The following EXOC6B variants were observed in gnomAD, a reference collection of about 807,000 sequenced individuals.
EXOC6B encodes the protein SEC15 homolog B.
A neutral mutation model predicts 113.5 loss-of-function variants in EXOC6B; 54 were observed. That is an observed-to-expected ratio of 0.48 (90% CI 0.38 to 0.60). EXOC6B has a LOEUF of 0.60. Among genes scored for constraint, EXOC6B ranks in the 20% least tolerant of loss-of-function variants. EXOC6B has a pLI of 0.00. For missense variants in EXOC6B, 797 were observed against 977.5 expected (o/e 0.82, Z 2.46); for synonymous variants, 357 against 339.0 (o/e 1.05, Z -0.58).
intron 20 of EXOC6B, among the ~76,000 whole-genome samples, chr2:72,292,374 G>A (rs1685852595): frequency 6.6e-6 from 1 of 152,064 alleles, no homozygotes; most frequent in African/African-American, 2.4e-5. Flanking sequence ...AGTTGCAGAA[G>A]TAGTACAGAG....
At chr2:72,238,309 C>A (rs1444143265) in intron 20 of EXOC6B, among the ~76,000 whole-genome samples, 1 of 152,112 alleles carries the variant, frequency 6.6e-6, no homozygotes. Flanking sequence ...TTAATCAGTT[C>A]ATGGCCATTT....
intron 6 of EXOC6B, among the ~76,000 whole-genome samples, chr2:72,622,421 G>A (rs993693253): frequency 2.0e-5 from 3 of 152,106 alleles, no homozygotes; most frequent in African/African-American, 7.2e-5. Flanking sequence ...TTCTGTAAAA[G>A]AAGCTATCCA....
chr2:72,383,186 T>C (rs1691794036), intron 18 of EXOC6B, among the ~76,000 whole-genome samples: 1 of 152,052 alleles, frequency 6.6e-6, no homozygotes, highest in Non-Finnish European at 1.5e-5. Flanking sequence ...CAAAATAAAC[T>C]ATCAACAGAG....
chr2:72,333,004 A>G (rs1206246408), intron 20 of EXOC6B, among the ~76,000 whole-genome samples: 1 of 152,178 alleles, frequency 6.6e-6, no homozygotes, highest in Non-Finnish European at 1.5e-5. Flanking sequence ...GAAGTTTTTC[A>G]AACAATCTAG....
intron 1 of EXOC6B, among the ~76,000 whole-genome samples, chr2:72,823,481 A>AAAAAAC (rs1686712006): frequency 7.0e-6 from 1 of 142,212 alleles, no homozygotes; most frequent in African/African-American, 2.7e-5. Context: ...AAAAAAAACA[A>AAAAAAC]AAAACAAAAA....
chr2:72,323,185 A>G (rs1272875818), intron 20 of EXOC6B, among the ~76,000 whole-genome samples: 1 of 152,222 alleles, frequency 6.6e-6, no homozygotes, highest in African/African-American at 2.4e-5. Context: ...ATATGAAAAG[A>G]CACTTCTCAA....
intron 20 of EXOC6B, among the ~76,000 whole-genome samples, chr2:72,220,684 T>C (rs531968341): frequency 6.6e-6 from 1 of 152,244 alleles, no homozygotes; most frequent in Non-Finnish European, 1.5e-5. Context: ...AAGAAAATAT[T>C]TGAAATCAAT....
intron 20 of EXOC6B, among the ~76,000 whole-genome samples, chr2:72,297,527 T>C (rs1573205790): frequency 6.6e-6 from 1 of 152,188 alleles, no homozygotes; most frequent in African/African-American, 2.4e-5. Flanking sequence ...CTGATCTTAG[T>C]TATTTCTCGC....
intron 8 of EXOC6B, among the ~76,000 whole-genome samples, chr2:72,528,263 G>A (rs2105744292): frequency 6.6e-6 from 1 of 152,160 alleles, no homozygotes; most frequent in South Asian, 2.1e-4. Flanking sequence ...TTAGCTCAAA[G>A]TTCTATCACG....
chr2:72,285,712 G>A (rs1685385207), intron 20 of EXOC6B, among the ~76,000 whole-genome samples: 1 of 151,948 alleles, frequency 6.6e-6, no homozygotes, highest in South Asian at 2.1e-4. Flanking sequence ...GCCACAGACT[G>A]GGAGAAAATA....
intron 8 of EXOC6B, among the ~76,000 whole-genome samples, chr2:72,551,796 A>T (rs1313524127): frequency 3.3e-5 from 5 of 152,148 alleles, no homozygotes; most frequent in African/African-American, 4.8e-5. Context: ...GCGCCCGGCC[A>T]TTAAAATCTT....
At chr2:72,553,401 T>G (rs1165334102) in intron 8 of EXOC6B, among the ~76,000 whole-genome samples, 1 of 152,018 alleles carries the variant, frequency 6.6e-6, no homozygotes, top group Non-Finnish European at 1.5e-5. Flanking sequence ...TTCAATCAAT[T>G]CAAATCAAAA....
At chr2:72,196,139 C>A (rs1040085883) in intron 20 of EXOC6B, among the ~76,000 whole-genome samples, 7 of 152,168 alleles carry the variant, frequency 4.6e-5, no homozygotes, top group African/African-American at 1.7e-4. Flanking sequence ...TTTGGAGACA[C>A]TGGGTGATAA....
chr2:72,554,063 C>G (rs548057805), intron 8 of EXOC6B, among the ~76,000 whole-genome samples: 1 of 152,230 alleles, frequency 6.6e-6, no homozygotes, highest in East Asian at 1.9e-4. Context: ...AGGGATGAGA[C>G]AATTTTGAAA....
Position 72,179,359 on chromosome 2 carries a change from T to A in EXOC6B, c.2412A>T (p.Gly804=), listed in dbSNP as rs1179729597. Residue 804 remains glycine (G), a synonymous_variant, in exon 22 of 22, where the codon GGA becomes GGT. Coordinates refer to ENST00000272427, the MANE Select transcript of EXOC6B (RefSeq NM_015189.3). ...LIDTVAKQLR[G]LISSHHS ...TTCATGAGTGGTGGCTGCTGATGAG[T>A]CCTCGGAGCTGCTTGGCCACGGTGT... 2 of 1,611,628 alleles carry A rather than the reference T, an allele frequency of 1.2e-6. No individual in the cohort carries two copies. Among genetic ancestry groups the A allele is most frequent in the Non-Finnish European group, 1.7e-6 (2 of 1,178,954 alleles).
At chr2:72,489,998 C>CAG (rs1448526589) in intron 16 of EXOC6B, among the ~76,000 whole-genome samples, 3 of 152,044 alleles carry the variant, frequency 2.0e-5, no homozygotes, top group Non-Finnish European at 1.5e-5. Context: ...GAAGGGCAGG[C>CAG]AGAGAGACAT....
chr2:72,718,965 A>G (rs181675167), intron 5 of EXOC6B, among the ~76,000 whole-genome samples: 1 of 152,382 alleles, frequency 6.6e-6, no homozygotes, highest in Admixed American at 6.5e-5. Context: ...AAAGCTTGGC[A>G]AATCTTCTAT....
chr2:72,472,301 T>C (rs904642734), intron 17 of EXOC6B, among the ~76,000 whole-genome samples: 4 of 152,132 alleles, frequency 2.6e-5, no homozygotes, highest in African/African-American at 7.2e-5. Flanking sequence ...TATTCTTATA[T>C]GTTTGGTGGA....
intron 6 of EXOC6B, among the ~76,000 whole-genome samples, chr2:72,697,123 T>TAGATAC (rs147976603): frequency 0.045 from 6,864 of 151,600 alleles, 219 homozygotes; most frequent in Non-Finnish European, 0.071. Context: ...GATATAGATA[T>TAGATAC]AGATATAGAT....
Sources: gnomAD v4.1 joint callset for allele counts (sites outside exome capture counted in the v4.1 genomes callset) on GRCh38, gnomAD v4.1.1 for gene constraint, MANE v1.5 for transcripts, NCBI Gene and HGNC (gene_info 2026-07-23, HGNC 2026-07-21) for gene names.